Variants in GLRA1 observed in about 807,000 individuals in gnomAD.
GLRA1 encodes the protein glycine receptor alpha 1.
A neutral mutation model predicts 48.3 loss-of-function variants in GLRA1; 37 were observed. That is an observed-to-expected ratio of 0.77 (90% CI 0.59 to 1.01). The LOEUF is 1.01. GLRA1 is among the 50% of genes least tolerant of loss of function. GLRA1 has a pLI of 0.00. For missense variants in GLRA1, 427 were observed against 571.0 expected (o/e 0.75, Z 2.57); for synonymous variants, 196 against 210.7 (o/e 0.93, Z 0.60).
chr5:151,920,242 A>G (rs949978672), intron 1 of GLRA1, among the ~76,000 whole-genome samples: 1 of 152,232 alleles, frequency 6.6e-6, no homozygotes, highest in Admixed American at 6.5e-5. Flanking sequence ...GAGAGAATGT[A>G]GAAGTGTCAG....
At chr5:151,824,562 T>C (rs747140960) in intron 8 of GLRA1, among the ~76,000 whole-genome samples, 7 of 152,204 alleles carry the variant, frequency 4.6e-5, no homozygotes, top group Non-Finnish European at 1.0e-4. Flanking sequence ...GGTTCTTTTC[T>C]TGAACTCTGG....
At chr5:151,888,952 C>T (rs911082509) in intron 2 of GLRA1, among the ~76,000 whole-genome samples, 2 of 152,180 alleles carry the variant, frequency 1.3e-5, no homozygotes, top group African/African-American at 2.4e-5. Context: ...CTTGAATGGT[C>T]AGGATTTTTC....
intron 7 of GLRA1, chr5:151,850,514 C>T: frequency 2.0e-6 from 2 of 994,704 alleles, no homozygotes; most frequent in Non-Finnish European, 3.2e-6. Context: ...TAAGCAGTGG[C>T]ACCAGTACCA....
At chr5:151,868,626 C>A (rs1246327698) in intron 3 of GLRA1, among the ~76,000 whole-genome samples, 1 of 152,210 alleles carries the variant, frequency 6.6e-6, no homozygotes, top group Admixed American at 6.5e-5. Flanking sequence ...TTTGATGACA[C>A]CTCAGTGTCA....
At chr5:151,893,283 ACTTTCTTTCTTTCTTTCTTTCTTTCTTT>A (rs56371578) in intron 1 of GLRA1, among the ~76,000 whole-genome samples, 86 of 76,178 alleles carry the variant, frequency 1.1e-3, no homozygotes, top group East Asian at 5.4e-3. Context: ...CCTCTGCCCA[ACTTTCTTTCTTTCTTTCTTTCTTTCTTT>A]CTTTCTTTCT....
intron 1 of GLRA1, among the ~76,000 whole-genome samples, chr5:151,921,386 C>A (rs924451633): frequency 2.6e-5 from 4 of 152,116 alleles, no homozygotes; most frequent in Non-Finnish European, 4.4e-5. Flanking sequence ...TCCCCTTTGC[C>A]CAGGATGTAT....
Position 151,924,735 on chromosome 5 carries a change from A to C in GLRA1, c.-186T>G. ...CGAGGGGGTCGTAGATACCACGGAC[A>C]GCGGCGGCTGCGAGGCGTTTCAGCA... On this transcript the variant is annotated 5_prime_UTR_variant, in exon 1 of 9. Coordinates refer to ENST00000274576, the MANE Select transcript of GLRA1 (RefSeq NM_000171.4). 3.0e-6 allele frequency: 2 copies of C among 661,548 alleles called. No individual in the cohort carries two copies. Among genetic ancestry groups the C allele is most frequent in the Non-Finnish European group, 5.5e-6 (2 of 363,974 alleles). 41.0% of individuals were successfully genotyped at this position (661,548 alleles called of 1,614,324 possible).
chr5:151,880,498 G>A (rs1049430369), intron 3 of GLRA1, among the ~76,000 whole-genome samples: 52 of 152,362 alleles, frequency 3.4e-4, no homozygotes, highest in African/African-American at 1.2e-3. Flanking sequence ...CACCTGTCTT[G>A]TGCCAAGCTA....
At chr5:151,854,036 C>G (rs759153860) in intron 6 of GLRA1, among the ~76,000 whole-genome samples, 2 of 152,096 alleles carry the variant, frequency 1.3e-5, no homozygotes, top group Non-Finnish European at 2.9e-5. Flanking sequence ...TGTTATTGGT[C>G]AGTTATACCT....
Position 151,892,333 on chromosome 5 carries a change from G to A in GLRA1, c.162C>T (p.Ala54=), listed in dbSNP as rs1452349431. The part of the protein sequence containing the change: ...KLMGRTSGYD[A]RIRPNFKGPP... The stretch of plus-strand genomic sequence containing the variant: ...TACCTTTAAAATTGGGCCTGATCCT[G>A]GCATCATATCCGGAGGTTCTCCCCA... The change falls in exon 2 of 9, where the codon GCC becomes GCT. Residue 54 remains alanine, a synonymous_variant. Transcript: ENST00000274576. 1.2e-6 allele frequency: 2 copies of A among 1,613,938 alleles called. No individual in the cohort carries two copies. The highest frequency in any genetic ancestry group is 1.1e-5 in the South Asian group (1 of 91,082).
chr5:151,849,993 A>G, intron 7 of GLRA1: 1 of 1,600,768 alleles, frequency 6.2e-7, no homozygotes. Context: ...AGTACAACCG[A>G]AAGCCTGCAG....
intron 7 of GLRA1, among the ~76,000 whole-genome samples, chr5:151,846,139 T>C (rs1752669075): frequency 1.3e-5 from 2 of 152,220 alleles, no homozygotes; most frequent in Non-Finnish European, 2.9e-5. Context: ...TTAGATACTA[T>C]CTATAGGCAG....
chr5:151,884,642 A>G (rs1753851016), intron 3 of GLRA1, among the ~76,000 whole-genome samples: 1 of 152,178 alleles, frequency 6.6e-6, no homozygotes, highest in Admixed American at 6.5e-5. Flanking sequence ...AAGTAAGGCT[A>G]TATCTTTCTT....
Position 151,873,221 on chromosome 5 carries a change from T to G in GLRA1, c.253-13213A>C, listed in dbSNP as rs190668446. On this transcript the variant is annotated intron_variant, in intron 3 of 8. Transcript: ENST00000274576. ...TTGAGGTGGAATGGGTAGAAATGGA[T>G]TTTAGGGCCTAGAGAAGGTTTTCCA... 3.3e-4 allele frequency among the ~76,000 whole-genome samples: 49 copies of G among 149,510 alleles called. 5 individuals are homozygous for G. The highest frequency in any genetic ancestry group is 1.2e-3 in the African/African-American group (48 of 38,944).
chr5:151,896,667 C>G (rs1388317335), intron 1 of GLRA1, among the ~76,000 whole-genome samples: 1 of 152,188 alleles, frequency 6.6e-6, no homozygotes, highest in African/African-American at 2.4e-5. Flanking sequence ...CAGCTGTTTC[C>G]TGATATCACT....
chr5:151,887,094 T>C (rs1471557224), intron 2 of GLRA1, among the ~76,000 whole-genome samples: 1 of 152,194 alleles, frequency 6.6e-6, no homozygotes, highest in Non-Finnish European at 1.5e-5. Context: ...CCAAGTCCCA[T>C]TGGCTGCCTT....
chr5:151,888,692 CAA>C (rs916988846), intron 2 of GLRA1, among the ~76,000 whole-genome samples: 9 of 152,156 alleles, frequency 5.9e-5, no homozygotes. Flanking sequence ...GAGGTTAGCC[CAA>C]GAGTCTAGTG....
chr5:151,893,917 T>C (rs535298898), intron 1 of GLRA1, among the ~76,000 whole-genome samples: 1 of 152,316 alleles, frequency 6.6e-6, no homozygotes, highest in East Asian at 1.9e-4. Flanking sequence ...TGGTTCTAGA[T>C]CTTTGAGGAA....
chr5:151,851,596 T>C lies in GLRA1; in HGVS notation c.706A>G (p.Thr236Ala). 2.5e-6 allele frequency: 4 copies of C among 1,611,312 alleles called. No individual in the cohort carries two copies. Among genetic ancestry groups the C allele is most frequent in the Non-Finnish European group, 3.4e-6 (4 of 1,177,516 alleles). ...CTKHYNTGKFTCIEARFHLER... is the reference protein window; with the variant it reads ...CTKHYNTGKFACIEARFHLER... ...AGGTGGAACCGGGCCTCAATGCAGG[T>C]GAATTTACCTGCAAGAAATTGCAGT... Residue 236 changes from threonine to alanine, a missense_variant, in exon 7 of 9, where the codon ACC becomes GCC. Around this residue, in one of 4 missense-constraint regions of GLRA1, gnomAD observed 271 missense variants for 434.9 expected, o/e 0.62. Coordinates refer to ENST00000274576, the MANE Select transcript of GLRA1 (RefSeq NM_000171.4).
Sources: gnomAD v4.1 joint callset for allele counts (sites outside exome capture counted in the v4.1 genomes callset) on GRCh38, gnomAD v4.1.1 for gene constraint, gnomAD v4.1.1 regional missense constraint, MANE v1.5 for transcripts, NCBI Gene and HGNC (gene_info 2026-07-23, HGNC 2026-07-21) for gene names.